The following IFT57 variants were observed in gnomAD, a reference collection of about 807,000 sequenced individuals.
The protein encoded by IFT57 is intraflagellar transport protein 57 homolog.
In IFT57, 59 loss-of-function variants were observed where a neutral mutation model predicts 56.8. The observed-to-expected ratio is 1.04, with a 90% CI of 0.84 to 1.29. IFT57 has a LOEUF of 1.29. Ranked by LOEUF, IFT57 falls within the 50% of genes most tolerant of loss-of-function variation. The pLI is 0.00. For synonymous variants in IFT57, 209 were observed against 186.1 expected, an observed-to-expected ratio of 1.12 and a Z score of -1.00; for missense variants, 470 against 522.1, an observed-to-expected ratio of 0.90 and a Z score of 0.97.
intron 6 of IFT57, among the ~76,000 whole-genome samples, chr3:108,187,671 C>T (rs2080192373): frequency 6.6e-6 from 1 of 150,864 alleles, no homozygotes; most frequent in African/African-American, 2.4e-5. Context: ...GAGAAAAACG[C>T]AAAACACATA....
chr3:108,187,419 A>T (rs2080190173), intron 6 of IFT57, among the ~76,000 whole-genome samples: 1 of 152,188 alleles, frequency 6.6e-6, no homozygotes, highest in African/African-American at 2.4e-5. Context: ...ATCAAAGCAC[A>T]TACATTGAAA....
chr3:108,217,304 G>GTGCA (rs1305769149), intron 3 of IFT57, among the ~76,000 whole-genome samples: 4 of 152,010 alleles, frequency 2.6e-5, no homozygotes, highest in African/African-American at 9.7e-5. Context: ...AACAAAGGAA[G>GTGCA]TGCAAAATAG....
chr3:108,167,170 A>G, intron 7 of IFT57, 185 bp from the exon 8 acceptor site: 1 of 545,408 alleles, frequency 1.8e-6, no homozygotes, highest in Non-Finnish European at 3.2e-6. Flanking sequence ...CACTTAGAAG[A>G]GTTTTAGAAT....
intron 4 of IFT57, among the ~76,000 whole-genome samples, 195 bp from the exon 5 acceptor site, chr3:108,206,891 T>C (rs1386118822): frequency 6.6e-6 from 1 of 151,938 alleles, no homozygotes; most frequent in East Asian, 1.9e-4. Flanking sequence ...TTTTTTGAGG[T>C]TTTGATGGTA....
At chr3:108,173,863 A>G (rs1370128296) in intron 6 of IFT57, among the ~76,000 whole-genome samples, 1 of 146,592 alleles carries the variant, frequency 6.8e-6, no homozygotes, top group Non-Finnish European at 1.5e-5. Context: ...TGTTAAATTC[A>G]TGTTCTCAAA....
chr3:108,197,645 A>G (rs574120479), intron 5 of IFT57, among the ~76,000 whole-genome samples: 44 of 152,220 alleles, frequency 2.9e-4, no homozygotes, highest in African/African-American at 9.6e-4. Flanking sequence ...TGAAGAGCTT[A>G]TATCATATAC....
chr3:108,174,131 T>C (rs986948792), intron 6 of IFT57, among the ~76,000 whole-genome samples: 2 of 151,438 alleles, frequency 1.3e-5, no homozygotes, highest in African/African-American at 4.8e-5. Context: ...GGAAATTGTA[T>C]TACTTTAATT....
At chr3:108,165,631 G>C (rs1014581919) in intron 8 of IFT57, 138 bp from the exon 9 acceptor site, 1 of 699,244 alleles carries the variant, frequency 1.4e-6, no homozygotes, top group African/African-American at 1.8e-5. Context: ...ATTTGTGAAA[G>C]TGACATTTAA....
intron 6 of IFT57, among the ~76,000 whole-genome samples, chr3:108,174,607 G>A (rs2080113938): frequency 6.6e-6 from 1 of 151,700 alleles, no homozygotes; most frequent in African/African-American, 2.4e-5. Flanking sequence ...GCTGGTTGTG[G>A]GACGAGAACA....
At chr3:108,182,418 A>G (rs562008709) in intron 6 of IFT57, among the ~76,000 whole-genome samples, 5 of 152,038 alleles carry the variant, frequency 3.3e-5, no homozygotes, top group Non-Finnish European at 7.4e-5. Context: ...ATGGAATTCT[A>G]CCTGCTGATT....
chr3:108,188,699 T>C (rs960740244), intron 6 of IFT57, among the ~76,000 whole-genome samples: 2 of 152,194 alleles, frequency 1.3e-5, no homozygotes, highest in Non-Finnish European at 2.9e-5. Context: ...CTCATTAATT[T>C]TTCCCCAAAT....
chr3:108,212,294 C>T (rs1375922849), intron 4 of IFT57, among the ~76,000 whole-genome samples: 1 of 152,054 alleles, frequency 6.6e-6, no homozygotes, highest in Non-Finnish European at 1.5e-5. Flanking sequence ...CCAGGTTAGT[C>T]TCAAACTCCT....
intron 3 of IFT57, 33 bp downstream of exon 3, chr3:108,218,501 TA>T: frequency 1.0e-6 from 1 of 985,990 alleles, no homozygotes; most frequent in Non-Finnish European, 1.5e-6. Flanking sequence ...GCTATGCCCA[TA>T]AAATTACTAT....
At chr3:108,198,752 T>C (rs1411897971) in intron 5 of IFT57, among the ~76,000 whole-genome samples, 1 of 152,184 alleles carries the variant, frequency 6.6e-6, no homozygotes, top group Non-Finnish European at 1.5e-5. Flanking sequence ...CGTGTTTTTA[T>C]TTTATTTTTG....
chr3:108,189,450 T>C (rs547471861), intron 6 of IFT57, among the ~76,000 whole-genome samples: 3 of 152,170 alleles, frequency 2.0e-5, no homozygotes, highest in Admixed American at 2.0e-4. Context: ...AAAACAGCAA[T>C]GTTTGTAAGA....
At chr3:108,219,256 A>C (rs889429006) in intron 2 of IFT57, 154 bp downstream of exon 2, 5 of 615,196 alleles carry the variant, frequency 8.1e-6, no homozygotes, top group Non-Finnish European at 1.4e-5. Context: ...AGTGACATTA[A>C]CATTATAATG....
At chr3:108,198,810 AATGT>A (rs1444255963) in intron 5 of IFT57, among the ~76,000 whole-genome samples, 2 of 152,056 alleles carry the variant, frequency 1.3e-5, no homozygotes, top group Non-Finnish European at 2.9e-5. Flanking sequence ...ATTTGGGTGT[AATGT>A]ATGAGGGAGG....
At chr3:108,204,885 G>A (rs2080300892) in intron 5 of IFT57, among the ~76,000 whole-genome samples, 1 of 152,132 alleles carries the variant, frequency 6.6e-6, no homozygotes, top group South Asian at 2.1e-4. Context: ...GTAAAATGGA[G>A]ATAACATCTA....
chr3:108,205,250 T>C (rs943738108), intron 5 of IFT57, among the ~76,000 whole-genome samples: 1 of 152,122 alleles, frequency 6.6e-6, no homozygotes, highest in Non-Finnish European at 1.5e-5. Context: ...GTTTTACATG[T>C]AGTAACTCCT....
Sources: allele counts gnomAD v4.1 joint callset (sites outside exome capture counted in the v4.1 genomes callset), GRCh38; gene constraint gnomAD v4.1.1; transcripts MANE v1.5; gene names NCBI Gene and HGNC (gene_info 2026-07-23, HGNC 2026-07-21).